CALCOCO2: variants seen among roughly 807,000 people sequenced by gnomAD.
CALCOCO2 encodes the protein calcium binding and coiled-coil domain 2.
A neutral mutation model predicts 62.5 loss-of-function variants in CALCOCO2; 42 were observed. The ratio of observed to expected loss-of-function variants is 0.67; its 90% CI spans 0.53 to 0.87. The LOEUF (loss-of-function observed/expected upper bound fraction) is 0.87. Ranked by LOEUF, CALCOCO2 falls within the 40% of genes least tolerant of loss-of-function variation. The pLI, the probability that CALCOCO2 is intolerant of heterozygous loss-of-function variation, is 0.00. For synonymous variants in CALCOCO2, 167 were observed against 173.0 expected (o/e 0.97, Z 0.27); for missense variants, 456 against 515.0 (o/e 0.89, Z 1.11).
At chr17:48,859,345 A>C (rs914338533) in intron 10 of CALCOCO2, among the ~76,000 whole-genome samples, 6 of 152,066 alleles carry the variant, frequency 3.9e-5, no homozygotes, top group Non-Finnish European at 5.9e-5. Context: ...GCTCTCAATA[A>C]TATACAACAC....
rs1311782459 is a variant in CALCOCO2, at chr17:48,858,071, G to GAATAGAATAC, written c.1008+1887_1008+1888insAGAATACAAT. Among the ~76,000 whole-genome samples the GAATAGAATAC allele has an allele frequency of 2.1e-5, 3 of 144,944 alleles. No individual in the cohort carries two copies. In the South Asian group the frequency reaches 6.9e-4, roughly 33 times the overall value. ...AAATAGAATAGAATAGAATAGAATA[G>GAATAGAATAC]AATTTTACCATCTTAATAATGTAAA... On this transcript the variant is annotated intron_variant, in intron 10 of 12. Coordinates refer to ENST00000258947, the MANE Select transcript of CALCOCO2 (RefSeq NM_005831.5).
intron 1 of CALCOCO2, among the ~76,000 whole-genome samples, chr17:48,839,998 G>A (rs901436930): frequency 1.3e-5 from 2 of 151,666 alleles, no homozygotes; most frequent in Non-Finnish European, 2.9e-5. Context: ...TGTTTTAATA[G>A]AGACAGTCTC....
intron 9 of CALCOCO2, chr17:48,853,380 C>A (rs1183082630): frequency 6.2e-6 from 1 of 161,930 alleles, no homozygotes; most frequent in African/African-American, 2.4e-5. Context: ...CCACCCAAAG[C>A]AAATCTTGTT....
intron 7 of CALCOCO2, among the ~76,000 whole-genome samples, chr17:48,852,106 C>G (rs1306880379): frequency 6.6e-6 from 1 of 150,460 alleles, no homozygotes; most frequent in African/African-American, 2.5e-5. Context: ...CCACTGCACT[C>G]CAGCCTGGGT....
At position 48,863,530 on chromosome 17, in the gene CALCOCO2, C is replaced by T. The variant is rs1412948031; in HGVS notation, c.*525C>T. ...AGAGCTCAGAAATCCAATTTGGATA[C>T]CAAAGGTTTCTCATGTTAATTTCTC... On this transcript the variant is annotated 3_prime_UTR_variant, in exon 13 of 13. Coordinates refer to ENST00000258947, the MANE Select transcript of CALCOCO2 (RefSeq NM_005831.5). 6.4e-6 allele frequency: 1 copy of T among 157,228 alleles called. No homozygotes were observed. Among genetic ancestry groups the T allele is most frequent in the Non-Finnish European group, 1.4e-5 (1 of 70,794 alleles). 9.7% of individuals were successfully genotyped at this position (157,228 alleles called of 1,614,324 possible). A position where few individuals can be genotyped will look rare whatever the true frequency, so the allele number is the denominator to read the frequency against.
chr17:48,857,973 TCAA>T (rs1176318279), intron 10 of CALCOCO2, among the ~76,000 whole-genome samples: 1 of 59,724 alleles, frequency 1.7e-5, no homozygotes. Flanking sequence ...CAAGACTACA[TCAA>T]TAGAATAGAA....
intron 1 of CALCOCO2, among the ~76,000 whole-genome samples, chr17:48,841,134 C>A (rs1487141872): frequency 6.6e-6 from 1 of 152,194 alleles, no homozygotes; most frequent in African/African-American, 2.4e-5. Flanking sequence ...GGTGGTGAAG[C>A]TGGAATTTGA....
intron 11 of CALCOCO2, among the ~76,000 whole-genome samples, chr17:48,861,184 G>A (rs757013915): frequency 2.0e-4 from 31 of 151,910 alleles, no homozygotes; most frequent in Non-Finnish European, 3.5e-4. Flanking sequence ...CGTGGCTAAC[G>A]TGGTGAAACC....
intron 2 of CALCOCO2, chr17:48,842,439 C>CCCA (rs1284835112): frequency 2.0e-5 from 3 of 151,728 alleles, no homozygotes; most frequent in African/African-American, 7.3e-5. Context: ...ACAGGCGTGA[C>CCCA]CCACCACGCC....
At position 48,851,107 on chromosome 17, in the gene CALCOCO2, C is replaced by G. The variant is rs1207317358; in HGVS notation, c.562C>G (p.Gln188Glu). 1 of 1,604,280 alleles carries G rather than the reference C, an allele frequency of 6.2e-7. No homozygotes were observed. The highest frequency in any genetic ancestry group is 1.7e-4 in the Middle Eastern group (1 of 6,036). The change falls in exon 6 of 13, where the codon CAG becomes GAG. Residue 188 changes from glutamine (Q) to glutamate (E), a missense_variant. Coordinates refer to ENST00000258947, the MANE Select transcript of CALCOCO2 (RefSeq NM_005831.5). ...TCTATAGGAGGAGCTAGAAACCCTA[C>G]AGAGCATCAATAAGAAGTTGGAACT... Reference protein sequence around the residue: ...QKKQEELETLQSINKKLELKV... With the variant: ...QKKQEELETLESINKKLELKV...
intron 2 of CALCOCO2, among the ~76,000 whole-genome samples, chr17:48,843,307 ATCT>A (rs551507480): frequency 3.7e-4 from 56 of 152,254 alleles, no homozygotes; most frequent in Non-Finnish European, 5.1e-4. Context: ...ATAATGACAA[ATCT>A]TCTTATTTCC....
chr17:48,848,028 T>C, intron 2 of CALCOCO2, 36 bp from the exon 3 acceptor site: 1 of 1,191,754 alleles, frequency 8.4e-7, no homozygotes. Context: ...CCCAGTCCCC[T>C]TTCAGGTACT....
At chr17:48,848,477 A>T in intron 4 of CALCOCO2, 22 bp downstream of exon 4, 1 of 1,608,346 alleles carries the variant, frequency 6.2e-7, no homozygotes, top group Non-Finnish European at 8.5e-7. Context: ...TTCTCACCTC[A>T]ATCCCTTACT....
Position 48,851,581 on chromosome 17 carries a change from A to T in CALCOCO2, c.655A>T (p.Met219Leu). The change falls in exon 7 of 13, where the codon ATG becomes TTG. Residue 219 changes from methionine to leucine, a missense_variant. Coordinates refer to ENST00000258947, the MANE Select transcript of CALCOCO2 (RefSeq NM_005831.5). ...LLQLKEQNQK[M>L]SSENEKMGIR... ...CAGACTGAAAGAACAAAACCAGAAG[A>T]TGTCCTCAGAAAATGAGAAGATGGG... 1 of 1,602,448 alleles carries T rather than the reference A, an allele frequency of 6.2e-7. No homozygotes were observed. Among genetic ancestry groups the T allele is most frequent in the Middle Eastern group, 1.7e-4 (1 of 6,050 alleles).
intron 2 of CALCOCO2, chr17:48,842,676 C>T (rs1373377205): frequency 1.3e-5 from 2 of 151,148 alleles, no homozygotes; most frequent in South Asian, 2.1e-4. Context: ...GACGGAGTCT[C>T]ATTGCCCAGG....
chr17:48,837,115 C>A (rs1254498548), intron 1 of CALCOCO2, among the ~76,000 whole-genome samples: 1 of 152,086 alleles, frequency 6.6e-6, no homozygotes, highest in Non-Finnish European at 1.5e-5. Context: ...CCGCAAAGGA[C>A]AAGTTAAGTA....
At chr17:48,861,772 G>GT (rs1314813110) in intron 11 of CALCOCO2, among the ~76,000 whole-genome samples, 2 of 151,282 alleles carry the variant, frequency 1.3e-5, no homozygotes, top group Non-Finnish European at 2.9e-5. Context: ...TTCAGGCTGG[G>GT]TGTCGTGGCT....
At chr17:48,855,891 T>A in intron 9 of CALCOCO2, 1 of 315,224 alleles carries the variant, frequency 3.2e-6, no homozygotes, top group East Asian at 4.7e-5. Context: ...AATTGGCATC[T>A]TGATGCCAGC....
intron 1 of CALCOCO2, chr17:48,831,506 C>G (rs1310103430): frequency 1.3e-5 from 2 of 152,280 alleles, no homozygotes; most frequent in African/African-American, 4.8e-5. Context: ...GTTGCGTCAC[C>G]CTGAGCAAGT....
Sources: gnomAD v4.1 joint callset for allele counts (sites outside exome capture counted in the v4.1 genomes callset) on GRCh38, gnomAD v4.1.1 for gene constraint, MANE v1.5 for transcripts, NCBI Gene and HGNC (gene_info 2026-07-23, HGNC 2026-07-21) for gene names.